The following DMD variants were observed in gnomAD, a reference collection of about 807,000 sequenced individuals.
The protein encoded by DMD is dystrophin.
A neutral mutation model predicts 330.1 loss-of-function variants in DMD; 63 were observed. The ratio of observed to expected loss-of-function variants is 0.19; its 90% CI spans 0.16 to 0.24. The LOEUF is 0.24. DMD is among the 10% of genes least tolerant of loss of function. The probability of loss-of-function intolerance (pLI) is 1.00; values close to 1 mark genes in which losing one functional copy is unlikely to be tolerated. For synonymous variants in DMD, 1,223 were observed against 959.8 expected (o/e 1.27, Z -5.07); for missense variants, 3,344 against 2,684.1 (o/e 1.25, Z -5.43).
At chrX:32,705,497 CCAT>C (rs2147701017) in intron 7 of DMD, among the ~76,000 whole-genome samples, 1 of 111,865 alleles carries the variant, frequency 8.9e-6, no homozygotes, top group South Asian at 3.7e-4. Flanking sequence ...AAAACTATCA[CCAT>C]CATCTTGTTA....
At position 32,697,728 on chromosome X, in the gene DMD, G is replaced by A. The variant is rs981144446; in HGVS notation, c.960+142C>T. 10 of 751,057 alleles carry A rather than the reference G, an allele frequency of 1.3e-5. No individual in the cohort carries two copies. In the Admixed American group the frequency reaches 2.5e-4, roughly 18 times the overall value. The allele number at this position is 751,057 out of a possible 1,213,427, so 61.9% of individuals were successfully genotyped here. A position where few individuals can be genotyped will look rare whatever the true frequency, so the allele number is the denominator to read the frequency against. ...AATAACAAAGCAGAATCACATGAGGGAATCAATAAAACTTGGAAAAACAAA... is the reference window on the plus strand; with the variant it reads ...AATAACAAAGCAGAATCACATGAGGAAATCAATAAAACTTGGAAAAACAAA... On this transcript the variant is annotated intron_variant, in intron 9 of 78. Transcript: ENST00000357033.
At chrX:32,308,893 A>G (rs1166624314) in intron 42 of DMD, among the ~76,000 whole-genome samples, 1 of 111,137 alleles carries the variant, frequency 9.0e-6, no homozygotes, top group African/African-American at 3.3e-5. Context: ...GCACTTACAA[A>G]CTATGCTGCC....
At chrX:31,175,725 C>T (rs1164188262) in intron 71 of DMD, among the ~76,000 whole-genome samples, 1 of 111,152 alleles carries the variant, frequency 9.0e-6, no homozygotes, top group Admixed American at 9.5e-5. Flanking sequence ...GGATTACTTA[C>T]TATAAGAGTT....
intron 41 of DMD, among the ~76,000 whole-genome samples, chrX:32,333,846 A>G (rs1347907307): frequency 8.9e-6 from 1 of 111,912 alleles, no homozygotes; most frequent in Non-Finnish European, 1.9e-5. Flanking sequence ...CTTCCTAGCC[A>G]TTAGGCTCTC....
At chrX:32,619,465 A>G (rs191457564) in intron 11 of DMD, among the ~76,000 whole-genome samples, 1 of 112,015 alleles carries the variant, frequency 8.9e-6, no homozygotes, top group East Asian at 2.8e-4. Context: ...TTCCCACCAT[A>G]AAAATGATAA....
chrX:31,634,732 T>C (rs747510794), intron 54 of DMD, among the ~76,000 whole-genome samples: 1 of 111,171 alleles, frequency 9.0e-6, no homozygotes, highest in East Asian at 2.8e-4. Context: ...TTATACACTT[T>C]CCCTAAAACC....
intron 67 of DMD, among the ~76,000 whole-genome samples, chrX:31,202,486 C>T (rs1274932626): frequency 1.8e-5 from 2 of 111,943 alleles, no homozygotes; most frequent in Admixed American, 1.9e-4. Flanking sequence ...AACAGTATAT[C>T]CCACTTTACA....
chrX:32,485,302 A>C (rs2042307472), intron 20 of DMD, among the ~76,000 whole-genome samples: 1 of 111,513 alleles, frequency 9.0e-6, no homozygotes, highest in Non-Finnish European at 1.9e-5. Flanking sequence ...TTCAATATGT[A>C]TCATCCTATA....
At chrX:31,474,070 G>A (rs140648844) in intron 59 of DMD, among the ~76,000 whole-genome samples, 1,780 of 111,714 alleles carry the variant, frequency 0.016, 26 homozygotes, top group East Asian at 0.087. Context: ...TTTTCCTATG[G>A]AAGCTATGTT....
At position 31,203,839 on chromosome X, in the gene DMD, C is replaced by T. The variant is rs190760300; in HGVS notation, c.9807+122G>A. 95 of 617,393 alleles carry T rather than the reference C, an allele frequency of 1.5e-4. 1 individual carries two copies. The East Asian group carries it at 3.3e-3, about 22-fold the overall frequency. 50.9% of individuals were successfully genotyped at this position (617,393 alleles called of 1,213,427 possible). ...CTTACTTACAGAGGTTCCAAATATCCCAAATCCCATACCTACTGCCTACTG... is the reference window on the plus strand; with the variant it reads ...CTTACTTACAGAGGTTCCAAATATCTCAAATCCCATACCTACTGCCTACTG... On this transcript the variant is annotated intron_variant, in intron 67 of 78. Coordinates refer to ENST00000357033, the MANE Select transcript of DMD (RefSeq NM_004006.3).
chrX:32,915,753 C>T (rs1184842470), intron 2 of DMD, among the ~76,000 whole-genome samples: 1 of 111,541 alleles, frequency 9.0e-6, no homozygotes, highest in African/African-American at 3.3e-5. Flanking sequence ...ATTCTTATTC[C>T]CATTATGTGG....
chrX:32,022,338 A>G (rs1256485591), intron 44 of DMD, among the ~76,000 whole-genome samples: 4 of 112,310 alleles, frequency 3.6e-5, no homozygotes, highest in Non-Finnish European at 7.5e-5. Context: ...AACTAATTCA[A>G]TAATTAGGGA....
At chrX:32,285,748 T>A (rs2097438004) in intron 43 of DMD, among the ~76,000 whole-genome samples, 1 of 110,943 alleles carries the variant, frequency 9.0e-6, no homozygotes, top group African/African-American at 3.3e-5. Flanking sequence ...TCACCCAGGC[T>A]GGAATGCAGT....
At chrX:33,173,435 T>C (rs1488681009) in intron 1 of DMD, among the ~76,000 whole-genome samples, 2 of 111,749 alleles carry the variant, frequency 1.8e-5, no homozygotes, top group Non-Finnish European at 1.9e-5. Context: ...ACAAAAACCT[T>C]TACACTGTAT....
chrX:31,938,586 G>T (rs2094953537), intron 45 of DMD, among the ~76,000 whole-genome samples: 1 of 111,352 alleles, frequency 9.0e-6, no homozygotes, highest in Non-Finnish European at 1.9e-5. Flanking sequence ...TGCACTTGTT[G>T]TTGCCTAACT....
chrX:33,163,550 G>GTGTATATATATATATATATA lies in DMD; in HGVS notation c.31+47712_31+47731dup, dbSNP rs2048879467. Among the ~76,000 whole-genome samples, 2 of 95,283 alleles carry GTGTATATATATATATATATA rather than the reference G, an allele frequency of 2.1e-5. 1 individual carries two copies. The highest frequency in any genetic ancestry group is 6.1e-4 in the East Asian group (2 of 3,288). The allele number at this position is 95,283 out of a possible 115,157, so 82.7% of individuals were successfully genotyped here. ...GACTCCATCTCAAAAATATATATGT[G>GTGTATATATATATATATATA]TGTATATATATATATATATATATAT... On this transcript the variant is annotated intron_variant, in intron 1 of 78. Coordinates refer to ENST00000357033, the MANE Select transcript of DMD (RefSeq NM_004006.3).
intron 17 of DMD, among the ~76,000 whole-genome samples, chrX:32,539,013 TTC>T (rs2048250743): frequency 9.0e-6 from 1 of 111,525 alleles, no homozygotes; most frequent in South Asian, 3.8e-4. Flanking sequence ...GTTCTAAGTA[TTC>T]TCTGATCCCA....
intron 2 of DMD, among the ~76,000 whole-genome samples, chrX:32,959,349 G>C (rs535174488): frequency 8.5e-4 from 95 of 111,188 alleles, no homozygotes; most frequent in African/African-American, 3.1e-3. Flanking sequence ...CCTAGATCCA[G>C]GGACTCTTCT....
At chrX:32,114,402 G>A (rs1039872954) in intron 44 of DMD, among the ~76,000 whole-genome samples, 29 of 111,280 alleles carry the variant, frequency 2.6e-4, no homozygotes, top group African/African-American at 7.8e-4. Flanking sequence ...TTTTATGATC[G>A]CCTGTTCCTC....
Sources: allele counts gnomAD v4.1 joint callset (sites outside exome capture counted in the v4.1 genomes callset), GRCh38; gene constraint gnomAD v4.1.1; transcripts MANE v1.5; gene names NCBI Gene and HGNC (gene_info 2026-07-23, HGNC 2026-07-21).